Variants in CTNNA3 observed in about 807,000 individuals in gnomAD.
The protein encoded by CTNNA3 is catenin alpha-3.
A neutral mutation model predicts 95.7 loss-of-function variants in CTNNA3; 76 were observed. The ratio of observed to expected loss-of-function variants is 0.79; its 90% CI spans 0.66 to 0.96. CTNNA3 has a LOEUF of 0.96. CTNNA3 is among the 40% of genes least tolerant of loss of function. CTNNA3 has a pLI of 0.00. For missense variants in CTNNA3, 1,191 were observed against 1,089.8 expected, an observed-to-expected ratio of 1.09 and a Z score of -1.31; for synonymous variants, 431 against 374.4, an observed-to-expected ratio of 1.15 and a Z score of -1.74.
intron 7 of CTNNA3, among the ~76,000 whole-genome samples, chr10:66,916,771 G>A (rs1846514603): frequency 6.6e-6 from 1 of 152,198 alleles, no homozygotes; most frequent in African/African-American, 2.4e-5. Flanking sequence ...AGGACACTCA[G>A]TTGATGTCCA....
intron 7 of CTNNA3, among the ~76,000 whole-genome samples, chr10:66,869,391 T>C (rs143618520): frequency 1.9e-4 from 29 of 152,104 alleles, no homozygotes; most frequent in Non-Finnish European, 3.1e-4. Flanking sequence ...CTGAACAACA[T>C]GGTGAAACCT....
intron 5 of CTNNA3, among the ~76,000 whole-genome samples, chr10:67,237,120 GTGTATGTATATATA>G (rs1359531927): frequency 1.4e-3 from 22 of 15,652 alleles, no homozygotes; most frequent in African/African-American, 2.5e-3. Context: ...AGAAACTATG[GTGTATGTATATATA>G]TATATATATA....
intron 11 of CTNNA3, among the ~76,000 whole-genome samples, chr10:66,405,885 A>G (rs1348153834): frequency 6.6e-6 from 1 of 152,184 alleles, no homozygotes; most frequent in African/African-American, 2.4e-5. Flanking sequence ...AGGATTTGCC[A>G]CATCTTTTCC....
intron 7 of CTNNA3, among the ~76,000 whole-genome samples, chr10:66,828,277 C>T (rs1842587307): frequency 6.6e-6 from 1 of 152,222 alleles, no homozygotes; most frequent in Admixed American, 6.5e-5. Flanking sequence ...ATAGCAGACT[C>T]AGCATAGGGT....
intron 7 of CTNNA3, among the ~76,000 whole-genome samples, chr10:67,042,920 T>A (rs551028322): frequency 6.6e-6 from 1 of 152,160 alleles, no homozygotes; most frequent in South Asian, 2.1e-4. Flanking sequence ...AATTTGAATA[T>A]ATTCGAACGC....
intron 7 of CTNNA3, among the ~76,000 whole-genome samples, chr10:67,060,886 T>C (rs999847522): frequency 1.2e-4 from 19 of 152,204 alleles, no homozygotes; most frequent in African/African-American, 4.6e-4. Context: ...CTAGTTTTTT[T>C]AAATTGTTTT....
In CTNNA3 at chr10:67,249,031, T is replaced by C. The variant is rs75695660; in HGVS notation, c.580-29161A>G. ...GGAGTAAATCTTTGTGATTTTGGTT[T>C]AGATGGCAATTTATTAGATATGACA... On this transcript the variant is annotated intron_variant, in intron 5 of 17. Transcript: ENST00000433211. Among the ~76,000 whole-genome samples the C allele has an allele frequency of 4.1e-3, 632 of 152,298 alleles. 5 individuals are homozygous for C. The highest frequency in any genetic ancestry group is 0.014 in the African/African-American group (597 of 41,566).
intron 7 of CTNNA3, among the ~76,000 whole-genome samples, chr10:67,002,242 A>G (rs1228110502): frequency 1.3e-5 from 2 of 152,172 alleles, no homozygotes; most frequent in Non-Finnish European, 2.9e-5. Flanking sequence ...ATTATTTCTT[A>G]TCTATAATAT....
At chr10:67,525,768 G>A (rs1840121431) in intron 4 of CTNNA3, among the ~76,000 whole-genome samples, 1 of 152,174 alleles carries the variant, frequency 6.6e-6, no homozygotes, top group African/African-American at 2.4e-5. Flanking sequence ...TAACTCTAGA[G>A]CTCCAGCAGC....
chr10:66,791,325 C>A lies in CTNNA3; in HGVS notation c.1048-15801G>T, dbSNP rs1252669670. Among the ~76,000 whole-genome samples the A allele has an allele frequency of 1.3e-5, 2 of 152,292 alleles. 1 individual carries two copies. Among genetic ancestry groups the A allele is most frequent in the Admixed American group, 1.3e-4 (2 of 15,292 alleles). ...AGCTCCATCTCAAGCCACCTCTTCT[C>A]TTTACTCTTTGTGTTCCAACCATTA... On this transcript the variant is annotated intron_variant, in intron 7 of 17. Transcript: ENST00000433211.
chr10:66,362,302 C>T (rs1477115825), intron 12 of CTNNA3, among the ~76,000 whole-genome samples: 2 of 151,356 alleles, frequency 1.3e-5, no homozygotes, highest in African/African-American at 4.8e-5. Flanking sequence ...GGGGTTTCAC[C>T]ATGTTGGCCA....
intron 9 of CTNNA3, among the ~76,000 whole-genome samples, chr10:66,670,166 T>A (rs185342848): frequency 1.7e-3 from 260 of 152,204 alleles, no homozygotes; most frequent in African/African-American, 6.1e-3. Flanking sequence ...TACGCATTAG[T>A]TCACTATTGT....
At chr10:66,095,533 A>G (rs957473440) in intron 14 of CTNNA3, among the ~76,000 whole-genome samples, 28 of 152,114 alleles carry the variant, frequency 1.8e-4, no homozygotes, top group Middle Eastern at 3.2e-3. Flanking sequence ...TATTGAGAGT[A>G]TATACTGATA....
chr10:66,475,095 A>C (rs1839276637), intron 11 of CTNNA3, among the ~76,000 whole-genome samples: 2 of 151,934 alleles, frequency 1.3e-5, no homozygotes. Flanking sequence ...CATGTAACTT[A>C]AGTTGTTGAT....
chr10:66,758,980 T>C (rs1365288905), intron 9 of CTNNA3, among the ~76,000 whole-genome samples: 1 of 152,142 alleles, frequency 6.6e-6, no homozygotes, highest in Non-Finnish European at 1.5e-5. Flanking sequence ...TTTGGGTACA[T>C]AATTTTAGCA....
chr10:66,514,802 T>G (rs1840781046), intron 11 of CTNNA3, among the ~76,000 whole-genome samples: 1 of 152,182 alleles, frequency 6.6e-6, no homozygotes, highest in Admixed American at 6.5e-5. Context: ...GTTCTTATGG[T>G]CCAAATCATT....
chr10:66,899,410 T>C (rs770397053), intron 7 of CTNNA3, among the ~76,000 whole-genome samples: 3 of 152,120 alleles, frequency 2.0e-5, no homozygotes, highest in Non-Finnish European at 2.9e-5. Flanking sequence ...GATGGCCAAA[T>C]AGGAACAGCT....
rs1265353837 is a variant in CTNNA3 at position 66,927,785 on chromosome 10, T to G, written c.1048-152261A>C. 3 of 1,614,184 alleles carry G rather than the reference T, an allele frequency of 1.9e-6. No homozygotes were observed. Among genetic ancestry groups the G allele is most frequent in the African/African-American group, 1.3e-5 (1 of 75,026 alleles). The stretch of plus-strand genomic sequence containing the variant: ...CGCCTCAACCTGGATTCCAACAAGC[T>G]CACATTTATTGGTCAAGAGATTTTG... On this transcript the variant is annotated intron_variant, in intron 7 of 17. Coordinates refer to ENST00000433211, the MANE Select transcript of CTNNA3 (RefSeq NM_013266.4). The surrounding 1 kb of genome is among the most constrained non-coding windows in gnomAD (Gnocchi z 4.7).
chr10:66,549,107 G>A (rs1253141240), intron 10 of CTNNA3, among the ~76,000 whole-genome samples: 1 of 147,818 alleles, frequency 6.8e-6, no homozygotes, highest in East Asian at 2.1e-4. Flanking sequence ...TCCTACCTCA[G>A]CCTCCCAAGT....
Sources: gnomAD v4.1 joint callset for allele counts (sites outside exome capture counted in the v4.1 genomes callset) on GRCh38, gnomAD v4.1.1 for gene constraint, Gnocchi (gnomAD v3.1) non-coding constraint, MANE v1.5 for transcripts, NCBI Gene and HGNC (gene_info 2026-07-23, HGNC 2026-07-21) for gene names.